Variants in PTPRD observed in about 807,000 individuals in gnomAD.
The protein encoded by PTPRD is receptor-type tyrosine-protein phosphatase delta.
Under a neutral mutation model 214.5 loss-of-function variants are expected in PTPRD, and 34 were observed. That is an observed-to-expected ratio of 0.16 (90% CI 0.12 to 0.21). The LOEUF is 0.21. Among genes scored for constraint, PTPRD ranks in the 10% least tolerant of loss-of-function variants. The pLI, the probability that PTPRD is intolerant of heterozygous loss-of-function variation, is 1.00. For missense variants in PTPRD, 2,545 were observed against 2,398.7 expected (o/e 1.06, Z -1.27); for synonymous variants, 1,128 against 845.7 (o/e 1.33, Z -5.79).
intron 13 of PTPRD, among the ~76,000 whole-genome samples, chr9:8,636,359 G>C (rs969133557): frequency 2.6e-5 from 4 of 152,074 alleles, no homozygotes; most frequent in Non-Finnish European, 5.9e-5. Flanking sequence ...GGAGCCAATG[G>C]GATGAGAGGC....
At chr9:9,741,144 T>C (rs2098396086) in intron 6 of PTPRD, among the ~76,000 whole-genome samples, 1 of 152,154 alleles carries the variant, frequency 6.6e-6, no homozygotes, top group African/African-American at 2.4e-5. Flanking sequence ...AAAATGTAAA[T>C]GTATTGAGTT....
At chr9:9,650,693 G>T (rs2096317289) in intron 7 of PTPRD, among the ~76,000 whole-genome samples, 1 of 151,908 alleles carries the variant, frequency 6.6e-6, no homozygotes, top group Admixed American at 6.6e-5. Context: ...CTTAATACCT[G>T]GGTGATTAAA....
chr9:9,470,862 C>T (rs1262179209), intron 8 of PTPRD, among the ~76,000 whole-genome samples: 1 of 152,174 alleles, frequency 6.6e-6, no homozygotes, highest in Non-Finnish European at 1.5e-5. Flanking sequence ...GGTTTAAAAT[C>T]AGGCAAGATA....
chr9:8,959,098 G>T lies in PTPRD; in HGVS notation c.-104+59599C>A, dbSNP rs189732031. ...ATACTTGCTTTCATATTATCTTATTGTGACAATGGCTATTGACACAACACT... is the reference window on the plus strand; with the variant it reads ...ATACTTGCTTTCATATTATCTTATTTTGACAATGGCTATTGACACAACACT... On this transcript the variant is annotated intron_variant, in intron 11 of 45. Transcript: ENST00000381196. 8.7e-4 allele frequency among the ~76,000 whole-genome samples: 133 copies of T among 152,036 alleles called. 2 individuals carry two copies. The East Asian group carries it at 0.021, about 24-fold the overall frequency.
chr9:10,045,062 A>G (rs915296271), intron 3 of PTPRD, among the ~76,000 whole-genome samples: 15 of 151,712 alleles, frequency 9.9e-5, no homozygotes, highest in African/African-American at 3.6e-4. Context: ...ATTTTGGGAA[A>G]GAACATTTAT....
At position 9,494,125 on chromosome 9, in the gene PTPRD, A is replaced by G. The variant is rs1485921044; in HGVS notation, c.-237+80607T>C. Among the ~76,000 whole-genome samples the G allele has an allele frequency of 2.6e-4, 40 of 152,190 alleles. 1 individual carries two copies. Among genetic ancestry groups the G allele is most frequent in the Admixed American group, 2.6e-3 (40 of 15,274 alleles). ...CTGGAAGATGTAACTGAACTGCTAC[A>G]ACCTCATGATAAAACTTGAATACAT... On this transcript the variant is annotated intron_variant, in intron 8 of 45. Coordinates refer to ENST00000381196, the MANE Select transcript of PTPRD (RefSeq NM_002839.4).
intron 9 of PTPRD, among the ~76,000 whole-genome samples, chr9:9,328,121 A>G (rs1377489236): frequency 3.9e-5 from 6 of 152,160 alleles, no homozygotes; most frequent in Admixed American, 2.0e-4. Context: ...ATTTAGATTA[A>G]GTAGATTTGA....
chr9:10,323,844 A>G (rs1398679939), intron 3 of PTPRD, among the ~76,000 whole-genome samples: 1 of 152,008 alleles, frequency 6.6e-6, no homozygotes, highest in Admixed American at 6.6e-5. Flanking sequence ...ATAACCTCCA[A>G]GTTTACAAGT....
chr9:8,636,523 C>T (rs2096440218), intron 13 of PTPRD, among the ~76,000 whole-genome samples, 176 bp downstream of exon 13: 1 of 152,106 alleles, frequency 6.6e-6, no homozygotes, highest in South Asian at 2.1e-4. Flanking sequence ...CCCTTGAACC[C>T]CCAAATTTCC....
chr9:8,733,164 A>G (rs1454483065), intron 12 of PTPRD, among the ~76,000 whole-genome samples: 1 of 152,204 alleles, frequency 6.6e-6, no homozygotes, highest in African/African-American at 2.4e-5. Context: ...TAGCAGTTTC[A>G]TAAATTGAGT....
intron 11 of PTPRD, among the ~76,000 whole-genome samples, chr9:8,932,837 C>T (rs2098962391): frequency 1.3e-5 from 2 of 152,052 alleles, no homozygotes; most frequent in Non-Finnish European, 2.9e-5. Context: ...TGAGCTAGAC[C>T]ACTTGGCTCC....
At chr9:9,699,802 T>C (rs924645847) in intron 7 of PTPRD, among the ~76,000 whole-genome samples, 1 of 152,178 alleles carries the variant, frequency 6.6e-6, no homozygotes, top group South Asian at 2.1e-4. Context: ...GTGATAACTA[T>C]AAATCAGAAC....
chr9:9,787,038 G>A (rs544178695), intron 5 of PTPRD, among the ~76,000 whole-genome samples: 6 of 151,950 alleles, frequency 3.9e-5, no homozygotes, highest in Non-Finnish European at 5.9e-5. Flanking sequence ...TTGGAAGTCT[G>A]AAGCATGATA....
At chr9:8,818,451 T>G (rs528191086) in intron 11 of PTPRD, among the ~76,000 whole-genome samples, 2 of 152,218 alleles carry the variant, frequency 1.3e-5, no homozygotes, top group Non-Finnish European at 2.9e-5. Flanking sequence ...ACAGGCCAGG[T>G]AGTGTCCTAA....
At chr9:10,059,212 A>T (rs399585) in intron 3 of PTPRD, among the ~76,000 whole-genome samples, 70,570 of 151,876 alleles carry the variant, frequency 0.46, 18,838 homozygotes, top group African/African-American at 0.75. Flanking sequence ...TGAACTGGAA[A>T]AGGGGATTAG....
Position 8,520,781 on chromosome 9 carries a change from C to A in PTPRD, c.961+496G>T, listed in dbSNP as rs554197547. Among the ~76,000 whole-genome samples, 5 of 152,156 alleles carry A rather than the reference C, an allele frequency of 3.3e-5. No individual in the cohort carries two copies. The South Asian group carries it at 1.0e-3, about 32-fold the overall frequency. On this transcript the variant is annotated intron_variant, in intron 20 of 45. Coordinates refer to ENST00000381196, the MANE Select transcript of PTPRD (RefSeq NM_002839.4). Reference sequence around the variant, plus strand: ...CTACAACAGAATATACTCTTACTTGCCTTTTGATTTTTAATAGTAGGGCTC... The same window carrying A: ...CTACAACAGAATATACTCTTACTTGACTTTTGATTTTTAATAGTAGGGCTC...
chr9:10,360,209 T>A (rs994842377), intron 2 of PTPRD, among the ~76,000 whole-genome samples: 2 of 152,250 alleles, frequency 1.3e-5, no homozygotes, highest in Admixed American at 1.3e-4. Context: ...TTGGACACTA[T>A]CAGGCCAGTC....
chr9:10,538,831 A>G (rs2058462924), intron 2 of PTPRD, among the ~76,000 whole-genome samples: 1 of 152,162 alleles, frequency 6.6e-6, no homozygotes, highest in African/African-American at 2.4e-5. Context: ...AAACCCTGAT[A>G]AATATCTTGA....
intron 5 of PTPRD, among the ~76,000 whole-genome samples, chr9:9,809,103 C>T (rs886811782): frequency 3.9e-5 from 6 of 151,938 alleles, no homozygotes; most frequent in African/African-American, 1.2e-4. Context: ...GGCATTTAAT[C>T]CCCAACTATG....
Sources: allele counts gnomAD v4.1 joint callset (sites outside exome capture counted in the v4.1 genomes callset), GRCh38; gene constraint gnomAD v4.1.1; transcripts MANE v1.5; gene names NCBI Gene and HGNC (gene_info 2026-07-23, HGNC 2026-07-21).